Variants in GLOD4 observed in about 807,000 individuals in gnomAD.
GLOD4 encodes the protein glyoxalase domain-containing protein 4.
A neutral mutation model predicts 39.1 loss-of-function variants in GLOD4; 44 were observed. The ratio of observed to expected loss-of-function variants is 1.13; its 90% CI spans 0.88 to 1.45. The LOEUF is 1.45. GLOD4 is among the 40% of genes most tolerant of loss of function. The pLI is 0.00. For synonymous variants in GLOD4, 145 were observed against 135.0 expected (o/e 1.07, Z -0.52); for missense variants, 405 against 366.4 (o/e 1.11, Z -0.86).
At position 759,972 on chromosome 17, in the gene GLOD4, T is replaced by A. The variant is rs1905183640; in HGVS notation, c.*201A>T. 1.8e-6 allele frequency: 1 copy of A among 569,426 alleles called. No individual in the cohort carries two copies. Among genetic ancestry groups the A allele is most frequent in the Non-Finnish European group, 3.1e-6 (1 of 320,204 alleles). The allele number at this position is 569,426 out of a possible 1,614,324, so 35.3% of individuals were successfully genotyped here. A position where few individuals can be genotyped will look rare whatever the true frequency, so the allele number is the denominator to read the frequency against. ...CAACAGTGTAGATTACAGCAGGCGT[T>A]CTCTACCTGGACTCATGATTGGATT... On this transcript the variant is annotated 3_prime_UTR_variant, in exon 9 of 9. Transcript: ENST00000301329.
rs186372303 is a variant in GLOD4 at position 768,181 on chromosome 17, G to A, written c.831+1688C>T. Reference sequence around the variant, plus strand: ...AGAGGACGTGAGAGAGAGAAACGGCGCACACTCAGATTTTTAGAAGAAGAA... The same window carrying A: ...AGAGGACGTGAGAGAGAGAAACGGCACACACTCAGATTTTTAGAAGAAGAA... On this transcript the variant is annotated intron_variant, in intron 8 of 8. Transcript: ENST00000301329. Among the ~76,000 whole-genome samples the A allele has an allele frequency of 6.4e-4, 94 of 147,620 alleles. 4 individuals are homozygous for A. Among genetic ancestry groups the A allele is most frequent in the African/African-American group, 2.3e-3 (90 of 38,964 alleles).
chr17:778,526 A>G (rs1011813110), intron 2 of GLOD4, 169 bp downstream of exon 2: 3 of 655,418 alleles, frequency 4.6e-6, no homozygotes, highest in Non-Finnish European at 5.5e-6. Context: ...CTTTATACTC[A>G]TGAGAGTGCA....
At chr17:783,038 G>C, upstream of GLOD4, 2 of 1,558,850 alleles carry the variant, frequency 1.3e-6, no homozygotes, top group Non-Finnish European at 1.7e-6. Flanking sequence ...TCAGTAACAA[G>C]GATGTTGATA....
At chr17:778,388 G>A (rs551455811) in intron 2 of GLOD4, 135 of 451,650 alleles carry the variant, frequency 3.0e-4, no homozygotes, top group Middle Eastern at 5.4e-4. Flanking sequence ...CAGGACAGCC[G>A]GCTGGTGTTA....
upstream of GLOD4, chr17:783,459 C>T: frequency 3.4e-6 from 3 of 895,382 alleles, no homozygotes; most frequent in East Asian, 5.7e-5. Context: ...GCCTCAGCCT[C>T]CGCAGTAGCT....
upstream of GLOD4, among the ~76,000 whole-genome samples, chr17:784,304 C>T (rs1332906218): frequency 1.3e-5 from 2 of 152,234 alleles, no homozygotes; most frequent in African/African-American, 4.8e-5. Context: ...TGCCTCTGCA[C>T]TCAGAGCTCT....
At chr17:778,912 G>A in intron 1 of GLOD4, 168 bp from the exon 2 acceptor site, 2 of 588,868 alleles carry the variant, frequency 3.4e-6, no homozygotes, top group Non-Finnish European at 6.0e-6. Context: ...GCAGTGGAAG[G>A]ACGAACAGCT....
chr17:762,167 G>A (rs1195747506), intron 8 of GLOD4, among the ~76,000 whole-genome samples: 1 of 152,248 alleles, frequency 6.6e-6, no homozygotes, highest in African/African-American at 2.4e-5. Context: ...AGAACTCACA[G>A]CTCTTGGTGA....
chr17:771,994 C>G lies in GLOD4; in HGVS notation c.407-533G>C, dbSNP rs1248669320. On this transcript the variant is annotated intron_variant, in intron 4 of 8. Transcript: ENST00000301329. ...CGCCGTTGCACTCTAGCCTGGGAGACAAGAGCAAAACTCTGTCTCAAAAAA... is the reference window on the plus strand; with the variant it reads ...CGCCGTTGCACTCTAGCCTGGGAGAGAAGAGCAAAACTCTGTCTCAAAAAA... 5.2e-5 allele frequency among the ~76,000 whole-genome samples: 5 copies of G among 96,104 alleles called. 1 individual carries two copies. In the East Asian group the frequency reaches 1.6e-3, roughly 31 times the overall value. The allele number at this position is 96,104 out of a possible 152,430, so 63.0% of individuals were successfully genotyped here.
intron 4 of GLOD4, among the ~76,000 whole-genome samples, chr17:774,222 C>T (rs1205141026): frequency 6.6e-6 from 1 of 152,172 alleles, no homozygotes; most frequent in Non-Finnish European, 1.5e-5. Flanking sequence ...CTGGAACAGA[C>T]GGATCTTTCT....
At chr17:783,462 C>A, upstream of GLOD4, 3 of 860,014 alleles carry the variant, frequency 3.5e-6, no homozygotes, top group Non-Finnish European at 3.4e-6. Context: ...TCAGCCTCCG[C>A]AGTAGCTGGG....
At chr17:771,094 G>A (rs971500443) in intron 5 of GLOD4, 1 of 341,380 alleles carries the variant, frequency 2.9e-6, no homozygotes, top group Non-Finnish European at 5.3e-6. Context: ...CTTGGATTAA[G>A]CAATTCCACT....
intron 4 of GLOD4, 23 bp from the exon 5 acceptor site, chr17:771,484 T>C (rs764106991): frequency 7.8e-6 from 11 of 1,411,928 alleles, no homozygotes; most frequent in South Asian, 3.9e-5. Context: ...AAAGCAGGAA[T>C]AGACAGATCA....
chr17:781,510 T>G (rs936687797), intron 1 of GLOD4, among the ~76,000 whole-genome samples: 5 of 152,204 alleles, frequency 3.3e-5, no homozygotes. Flanking sequence ...CCCCGTCTAT[T>G]GCACCGTCTA....
intron 8 of GLOD4, among the ~76,000 whole-genome samples, chr17:765,542 T>C (rs564868986): frequency 1.3e-4 from 19 of 150,394 alleles, no homozygotes; most frequent in African/African-American, 4.1e-4. Context: ...ATGAAAATGG[T>C]AGGATGGCCA....
chr17:780,213 C>A (rs1909655178), intron 1 of GLOD4, among the ~76,000 whole-genome samples: 1 of 152,000 alleles, frequency 6.6e-6, no homozygotes, highest in Non-Finnish European at 1.5e-5. Context: ...TATTGATATC[C>A]TTCCTTAATA....
upstream of GLOD4, chr17:783,198 T>C (rs775327680): frequency 2.5e-6 from 4 of 1,614,022 alleles, no homozygotes; most frequent in African/African-American, 4.0e-5. Context: ...GCCAAAAATG[T>C]TCTTCTTTAG....
Position 775,907 on chromosome 17 carries a change from C to A in GLOD4, c.274G>T (p.Ala92Ser), listed in dbSNP as rs771117299. 3 of 1,613,168 alleles carry A rather than the reference C, an allele frequency of 1.9e-6. No homozygotes were observed. The Admixed American group carries it at 5.0e-5, about 27-fold the overall frequency. The change falls in exon 4 of 9, where the codon GCT (alanine) becomes TCT (serine). Residue 92 changes from alanine to serine, a missense_variant. Ala to Ser is a moderately conservative substitution (Grantham distance 99). Transcript: ENST00000301329. The stretch of plus-strand genomic sequence containing the variant: ...GCGTTGCTGACAGCCTGGCTAGAAG[C>A]GAGCGTGATTCCCTACAACAAACAA... ...LGNDFMGITL[A>S]SSQAVSNARK... is the part of the protein sequence containing the mutation.
At position 779,638 on chromosome 17, in the gene GLOD4, C is replaced by CA. The variant is rs111230239; in HGVS notation, c.91-895dup. Among the ~76,000 whole-genome samples, 412 of 115,064 alleles carry CA rather than the reference C, an allele frequency of 3.6e-3. 1 individual carries two copies. The highest frequency in any genetic ancestry group is 8.5e-3 in the South Asian group (32 of 3,750). 75.5% of individuals were successfully genotyped at this position (115,064 alleles called of 152,430 possible). A position where few individuals can be genotyped will look rare whatever the true frequency, so the allele number is the denominator to read the frequency against. ...GGGTGACAAGAGCAAAACTCAAACT[C>CA]AAAAAAAAAAAAAAGTCTGATTTGG... On this transcript the variant is annotated intron_variant, in intron 1 of 8. Transcript: ENST00000301329.
Sources: gnomAD v4.1 joint callset for allele counts (sites outside exome capture counted in the v4.1 genomes callset) on GRCh38, gnomAD v4.1.1 for gene constraint, MANE v1.5 for transcripts, NCBI Gene and HGNC (gene_info 2026-07-23, HGNC 2026-07-21) for gene names.